The following HSD17B4 variants were observed in gnomAD, a reference collection of about 807,000 sequenced individuals.
HSD17B4 encodes the protein peroxisomal multifunctional enzyme type 2.
Under a neutral mutation model 101.0 loss-of-function variants are expected in HSD17B4, and 70 were observed. That is an observed-to-expected ratio of 0.69 (90% CI 0.57 to 0.85). The LOEUF is 0.85. Ranked by LOEUF, HSD17B4 falls within the 40% of genes least tolerant of loss-of-function variation. The probability of loss-of-function intolerance (pLI) is 0.00; values close to 1 mark genes in which losing one functional copy is unlikely to be tolerated. For synonymous variants in HSD17B4, 347 were observed against 297.1 expected (o/e 1.17, Z -1.73); for missense variants, 984 against 892.4 (o/e 1.10, Z -1.31).
chr5:119,536,355 T>C (rs1483028784), intron 22 of HSD17B4, 68 bp from the exon 23 acceptor site: 14 of 1,371,674 alleles, frequency 1.0e-5, no homozygotes, highest in Non-Finnish European at 1.5e-5. Flanking sequence ...GCATTTTACT[T>C]GGTTTATTTT....
In HSD17B4 at chr5:119,512,434, A is replaced by T. The variant is rs112499747; in HGVS notation, c.1438-2547A>T. On this transcript the variant is annotated intron_variant, in intron 16 of 23. Coordinates refer to ENST00000510025, the MANE Select transcript of HSD17B4 (RefSeq NM_000414.4). ...AAAGCCAGAAACGAAAAGGTTGAAA[A>T]TAATCAGAGAAAAAATGACTCATTA... is the stretch of plus-strand genomic sequence containing the variant. 6.8e-3 allele frequency among the ~76,000 whole-genome samples: 1,029 copies of T among 152,262 alleles called. 8 individuals carry two copies. The highest frequency in any genetic ancestry group is 0.012 in the Non-Finnish European group (829 of 68,016).
At chr5:119,454,548 C>A (rs1231252115) in intron 1 of HSD17B4, among the ~76,000 whole-genome samples, 1 of 151,946 alleles carries the variant, frequency 6.6e-6, no homozygotes, top group Admixed American at 6.6e-5. Flanking sequence ...TCAAGTGATC[C>A]TTCTGCTTGG....
chr5:119,542,134 AT>A lies in HSD17B4; in HGVS notation c.*144del. ...ATTTTCAGATATCAGATAACTGCAG[AT>A]TTTCATTTTCTACTAATTTTTCATG... On this transcript the variant is annotated 3_prime_UTR_variant, in exon 24 of 24. Transcript: ENST00000510025. 1 of 660,860 alleles carries A rather than the reference AT, an allele frequency of 1.5e-6. No homozygotes were observed. Among genetic ancestry groups the A allele is most frequent in the East Asian group, 2.9e-5 (1 of 34,760 alleles). 40.9% of individuals were successfully genotyped at this position (660,860 alleles called of 1,614,324 possible).
intron 23 of HSD17B4, among the ~76,000 whole-genome samples, chr5:119,540,821 C>T (rs1376122419): frequency 1.3e-5 from 2 of 152,134 alleles, no homozygotes; most frequent in African/African-American, 2.4e-5. Context: ...AAGCCCTGGC[C>T]CTACTTCTTG....
chr5:119,536,642 T>C (rs1042370352), intron 23 of HSD17B4, 92 bp downstream of exon 23: 127 of 1,195,754 alleles, frequency 1.1e-4, no homozygotes, highest in Non-Finnish European at 1.4e-4. Flanking sequence ...TTCTGATTTA[T>C]AAGCCAGGTT....
chr5:119,531,248 T>C lies in HSD17B4; in HGVS notation c.1855-18T>C, dbSNP rs1016405494. 3 of 1,612,728 alleles carry C rather than the reference T, an allele frequency of 1.9e-6. No individual in the cohort carries two copies. The highest frequency in any genetic ancestry group is 1.7e-6 in the Non-Finnish European group (2 of 1,178,940). On this transcript the variant is annotated intron_variant, in intron 21 of 23. Transcript: ENST00000510025. The stretch of plus-strand genomic sequence containing the variant: ...ATTTTTACAGAACTTTTAAAGTTTA[T>C]TTTGTTGTCGTTGTTAGGGCGGGAA...
Position 119,527,164 on chromosome 5 carries a change from A to T in HSD17B4, c.1712A>T (p.Gln571Leu). The change falls in exon 20 of 24, where the codon CAA becomes CTA. Residue 571 changes from glutamine to leucine, a missense_variant. By Grantham distance (113) the Gln-to-Leu change is moderately radical. Transcript: ENST00000510025. ...ARFAKPVYPG[Q>L]TLQTEMWKEG... ...TTTGCAAAACCAGTATATCCAGGACAAACTCTACAAACTGAGATGTGGAAG... is the reference window on the plus strand; with the variant it reads ...TTTGCAAAACCAGTATATCCAGGACTAACTCTACAAACTGAGATGTGGAAG... 6.2e-7 allele frequency: 1 copy of T among 1,609,176 alleles called. No homozygotes were observed. The highest frequency in any genetic ancestry group is 1.3e-5 in the African/African-American group (1 of 74,892).
intron 1 of HSD17B4, among the ~76,000 whole-genome samples, chr5:119,454,463 G>T (rs555179665): frequency 6.6e-6 from 1 of 151,810 alleles, no homozygotes; most frequent in East Asian, 1.9e-4. Context: ...GTGCCACCAC[G>T]CCCAGCTAAT....
chr5:119,523,550 T>G (rs1753300567), intron 17 of HSD17B4, among the ~76,000 whole-genome samples: 2 of 152,116 alleles, frequency 1.3e-5, no homozygotes, highest in Admixed American at 6.6e-5. Context: ...GAACCTTTTT[T>G]GTCTTCGTTT....
At chr5:119,532,795 G>T (rs1160528708) in intron 22 of HSD17B4, among the ~76,000 whole-genome samples, 2 of 152,060 alleles carry the variant, frequency 1.3e-5, no homozygotes, top group Non-Finnish European at 2.9e-5. Flanking sequence ...AGAATAGTCT[G>T]CTCTTGAAAA....
intron 17 of HSD17B4, among the ~76,000 whole-genome samples, chr5:119,516,064 A>T (rs1561477982): frequency 6.6e-6 from 1 of 152,202 alleles, no homozygotes; most frequent in East Asian, 1.9e-4. Context: ...TGCAGGACTT[A>T]TGTTTCCTAG....
intron 8 of HSD17B4, among the ~76,000 whole-genome samples, chr5:119,479,955 C>T (rs975879793): frequency 5.3e-5 from 8 of 152,114 alleles, no homozygotes; most frequent in Non-Finnish European, 8.8e-5. Flanking sequence ...TGCATTCCCA[C>T]CAGCAATTAA....
At chr5:119,499,647 G>A (rs1750979005) in intron 13 of HSD17B4, 94 bp downstream of exon 13, 1 of 630,844 alleles carries the variant, frequency 1.6e-6, no homozygotes, top group African/African-American at 1.9e-5. Context: ...TGTAGTGTGT[G>A]TATATATATT....
intron 23 of HSD17B4, among the ~76,000 whole-genome samples, chr5:119,539,019 G>A (rs1754757190): frequency 6.6e-6 from 1 of 152,100 alleles, no homozygotes; most frequent in Non-Finnish European, 1.5e-5. Flanking sequence ...AATATAGAAG[G>A]AATGAAAGTT....
intron 15 of HSD17B4, among the ~76,000 whole-genome samples, chr5:119,508,397 T>C (rs1254467178): frequency 2.6e-5 from 4 of 152,242 alleles, no homozygotes; most frequent in Admixed American, 1.3e-4. Context: ...AAAATCTTAT[T>C]TGAACTACAT....
chr5:119,521,121 G>C (rs1753079196), intron 17 of HSD17B4, among the ~76,000 whole-genome samples: 1 of 152,118 alleles, frequency 6.6e-6, no homozygotes, highest in Non-Finnish European at 1.5e-5. Flanking sequence ...GTGTTGCCTT[G>C]GTTTCTATAT....
intron 9 of HSD17B4, among the ~76,000 whole-genome samples, chr5:119,491,176 A>T (rs1020393730): frequency 2.0e-5 from 3 of 152,152 alleles, no homozygotes; most frequent in Non-Finnish European, 4.4e-5. Context: ...CGCTTCCAAA[A>T]TACAGTAAAA....
chr5:119,454,893 A>T (rs1198861434), intron 1 of HSD17B4, among the ~76,000 whole-genome samples: 2 of 152,054 alleles, frequency 1.3e-5, no homozygotes, highest in Non-Finnish European at 2.9e-5. Flanking sequence ...AAGTGTTGGG[A>T]TTACAGATGT....
At chr5:119,541,043 A>G (rs1754947030) in intron 23 of HSD17B4, among the ~76,000 whole-genome samples, 1 of 152,158 alleles carries the variant, frequency 6.6e-6, no homozygotes, top group East Asian at 1.9e-4. Context: ...AGGCTTTTTC[A>G]CTTCATATTT....
Sources: gnomAD v4.1 joint callset for allele counts (sites outside exome capture counted in the v4.1 genomes callset) on GRCh38, gnomAD v4.1.1 for gene constraint, MANE v1.5 for transcripts, NCBI Gene and HGNC (gene_info 2026-07-23, HGNC 2026-07-21) for gene names.